FOXP2: variants seen among roughly 807,000 people sequenced by gnomAD.
FOXP2 encodes the protein forkhead box P2.
Under a neutral mutation model 115.8 loss-of-function variants are expected in FOXP2, and 12 were observed. The observed-to-expected ratio is 0.10, with a 90% CI of 0.07 to 0.17. The LOEUF (loss-of-function observed/expected upper bound fraction) is 0.17. Among genes scored for constraint, FOXP2 ranks in the 10% least tolerant of loss-of-function variants. The probability of loss-of-function intolerance (pLI) is 1.00; values close to 1 mark genes in which losing one functional copy is unlikely to be tolerated. For missense variants in FOXP2, 629 were observed against 843.5 expected (o/e 0.75, Z 3.15); for synonymous variants, 328 against 297.7 (o/e 1.10, Z -1.05).
intron 2 of FOXP2, among the ~76,000 whole-genome samples, chr7:114,385,121 G>A (rs975598940): frequency 2.0e-5 from 3 of 151,868 alleles, no homozygotes; most frequent in East Asian, 1.9e-4. Flanking sequence ...GGTGGGGAAC[G>A]GGTCCCACAT....
At chr7:114,535,535 A>G (rs1286941710) in intron 3 of FOXP2, among the ~76,000 whole-genome samples, 1 of 151,598 alleles carries the variant, frequency 6.6e-6, no homozygotes, top group African/African-American at 2.4e-5. Flanking sequence ...AACAAAAAAA[A>G]CAAAACAAAA....
At chr7:114,328,334 T>C (rs1317310564) in intron 2 of FOXP2, among the ~76,000 whole-genome samples, 2 of 151,522 alleles carry the variant, frequency 1.3e-5, no homozygotes, top group Non-Finnish European at 2.9e-5. Context: ...CCTCCTGGAT[T>C]CACGCCATTC....
intron 3 of FOXP2, chr7:114,538,512 A>G: frequency 2.1e-6 from 1 of 487,770 alleles, no homozygotes; most frequent in Non-Finnish European, 3.3e-6. Flanking sequence ...TAAAATTTTT[A>G]TAATTCTGTC....
intron 10 of FOXP2, among the ~76,000 whole-genome samples, chr7:114,654,982 G>A (rs1385022494): frequency 6.6e-6 from 1 of 152,028 alleles, no homozygotes; most frequent in East Asian, 1.9e-4. Flanking sequence ...TTTAAACTCT[G>A]CTAAGCTATT....
intron 1 of FOXP2, among the ~76,000 whole-genome samples, chr7:114,185,498 A>C (rs971563831): frequency 6.6e-6 from 1 of 152,216 alleles, no homozygotes; most frequent in Non-Finnish European, 1.5e-5. Flanking sequence ...CACTTAGCCT[A>C]GTGCCTGGAA....
chr7:114,459,215 A>G (rs922229202), intron 2 of FOXP2, among the ~76,000 whole-genome samples: 4 of 152,200 alleles, frequency 2.6e-5, no homozygotes, highest in African/African-American at 9.7e-5. Context: ...CTGGCAAGTC[A>G]GGAGGGTAGC....
intron 2 of FOXP2, among the ~76,000 whole-genome samples, chr7:114,360,101 G>A (rs1652056141): frequency 6.6e-6 from 1 of 152,042 alleles, no homozygotes; most frequent in African/African-American, 2.4e-5. Flanking sequence ...ACAGGGATGG[G>A]TTTTTCCCAT....
chr7:114,379,986 G>T (rs1792244988), intron 2 of FOXP2, among the ~76,000 whole-genome samples: 1 of 152,158 alleles, frequency 6.6e-6, no homozygotes, highest in African/African-American at 2.4e-5. Flanking sequence ...TTTTCCTGCT[G>T]AGTACTAGGG....
chr7:114,287,938 CT>C, intron 1 of FOXP2: 1 of 346,320 alleles, frequency 2.9e-6, no homozygotes, highest in South Asian at 2.4e-5. Flanking sequence ...GTTTTATGTT[CT>C]GTGAAGTCAC....
intron 1 of FOXP2, among the ~76,000 whole-genome samples, chr7:114,178,280 A>T (rs1793369084): frequency 6.6e-6 from 1 of 151,874 alleles, no homozygotes; most frequent in African/African-American, 2.4e-5. Context: ...TTCTCCCAAG[A>T]TCTTTAGGTA....
intron 2 of FOXP2, among the ~76,000 whole-genome samples, chr7:114,495,561 A>T (rs150885314): frequency 7.6e-6 from 1 of 131,692 alleles, no homozygotes; most frequent in African/African-American, 3.0e-5. Flanking sequence ...GCTGGAGTGC[A>T]ATGTTGCAAT....
At chr7:114,188,895 GTTTA>G (rs1414520441) in intron 1 of FOXP2, among the ~76,000 whole-genome samples, 1 of 152,108 alleles carries the variant, frequency 6.6e-6, no homozygotes, top group African/African-American at 2.4e-5. Context: ...AAACTCATTT[GTTTA>G]TTAATAAACT....
intron 1 of FOXP2, among the ~76,000 whole-genome samples, chr7:114,099,842 AAGAT>A (rs1335509876): frequency 6.6e-6 from 1 of 152,160 alleles, no homozygotes; most frequent in Admixed American, 6.5e-5. Context: ...AATAAGTCTA[AAGAT>A]CTAATATACA....
chr7:114,512,007 CAT>C (rs1798101200), intron 2 of FOXP2, among the ~76,000 whole-genome samples: 1 of 151,950 alleles, frequency 6.6e-6, no homozygotes, highest in Admixed American at 6.6e-5. Flanking sequence ...TACTATATGT[CAT>C]TATTATTCAT....
At chr7:114,145,240 C>G (rs1792332203) in intron 1 of FOXP2, among the ~76,000 whole-genome samples, 1 of 152,108 alleles carries the variant, frequency 6.6e-6, no homozygotes, top group Non-Finnish European at 1.5e-5. Flanking sequence ...GTTTATCTTT[C>G]TGACTAATAA....
intron 1 of FOXP2, among the ~76,000 whole-genome samples, chr7:114,234,828 G>A (rs931426889): frequency 1.3e-5 from 2 of 151,790 alleles, no homozygotes; most frequent in Non-Finnish European, 2.9e-5. Context: ...TTCTCTTGTC[G>A]TAGATCATAT....
chr7:114,452,917 A>C (rs1042206197), intron 2 of FOXP2, among the ~76,000 whole-genome samples: 1 of 152,082 alleles, frequency 6.6e-6, no homozygotes, highest in African/African-American at 2.4e-5. Flanking sequence ...TGCAAGTCTA[A>C]GAGACTTATG....
intron 1 of FOXP2, among the ~76,000 whole-genome samples, chr7:114,221,433 ATC>A (rs1794618645): frequency 6.6e-6 from 1 of 152,106 alleles, no homozygotes; most frequent in Non-Finnish European, 1.5e-5. Context: ...TTTTTAAGAA[ATC>A]TCTGGGTTTG....
chr7:114,421,493 G>T (rs560871245), intron 1 of FOXP2, among the ~76,000 whole-genome samples: 5 of 151,398 alleles, frequency 3.3e-5, no homozygotes, highest in Non-Finnish European at 7.4e-5. Flanking sequence ...ATGAAAGTCT[G>T]AATTTTTACT....
Sources: allele counts gnomAD v4.1 joint callset (sites outside exome capture counted in the v4.1 genomes callset), GRCh38; gene constraint gnomAD v4.1.1; transcripts MANE v1.5; gene names NCBI Gene and HGNC (gene_info 2026-07-23, HGNC 2026-07-21).